Variants in NALCN observed in about 807,000 individuals in gnomAD.
The protein encoded by NALCN is sodium leak channel, non-selective.
Under a neutral mutation model 225.3 loss-of-function variants are expected in NALCN, and 111 were observed. That is an observed-to-expected ratio of 0.49 (90% CI 0.42 to 0.58). NALCN has a LOEUF of 0.58. NALCN is among the 20% of genes least tolerant of loss of function. The pLI is 0.00. For missense variants in NALCN, 1,378 were observed against 2,202.4 expected (o/e 0.63, Z 7.49); for synonymous variants, 764 against 769.0 (o/e 0.99, Z 0.11).
intron 6 of NALCN, among the ~76,000 whole-genome samples, chr13:101,367,388 T>A (rs1447193699): frequency 6.6e-6 from 1 of 151,350 alleles, no homozygotes; most frequent in Non-Finnish European, 1.5e-5. Flanking sequence ...TTCTCTCTTT[T>A]TTGACATCTG....
At chr13:101,281,532 A>G (rs180924076) in intron 10 of NALCN, among the ~76,000 whole-genome samples, 72 of 152,344 alleles carry the variant, frequency 4.7e-4, no homozygotes, top group Non-Finnish European at 9.4e-4. Context: ...TAGTTGTAGT[A>G]GTTTTATATT....
chr13:101,353,124 C>T (rs575998057), intron 6 of NALCN, among the ~76,000 whole-genome samples: 3 of 152,206 alleles, frequency 2.0e-5, no homozygotes, highest in South Asian at 2.1e-4. Context: ...TCTAAATAAA[C>T]CCATGGAGAA....
chr13:101,272,073 A>G (rs755071154), intron 10 of NALCN, among the ~76,000 whole-genome samples: 8 of 149,882 alleles, frequency 5.3e-5, no homozygotes, highest in Non-Finnish European at 1.0e-4. Flanking sequence ...ATAAGTGTGT[A>G]GGCATGTGTA....
intron 13 of NALCN, among the ~76,000 whole-genome samples, chr13:101,212,528 A>G (rs1218883255): frequency 1.3e-5 from 2 of 152,172 alleles, no homozygotes; most frequent in African/African-American, 2.4e-5. Context: ...TCATGTCGGT[A>G]TGCTTCCTAG....
intron 13 of NALCN, among the ~76,000 whole-genome samples, chr13:101,200,309 C>T (rs1292815468): frequency 1.3e-5 from 2 of 152,168 alleles, no homozygotes; most frequent in Non-Finnish European, 2.9e-5. Context: ...ATCTTTGGTT[C>T]ATCTCATTTC....
intron 27 of NALCN, 101 bp from the exon 28 acceptor site, chr13:101,095,781 AG>A: frequency 1.0e-6 from 1 of 985,176 alleles, no homozygotes; most frequent in Non-Finnish European, 1.5e-6. Flanking sequence ...GAATCCCAAA[AG>A]CCCTTTATCT....
At chr13:101,185,705 C>G (rs917393785) in intron 14 of NALCN, among the ~76,000 whole-genome samples, 3 of 152,150 alleles carry the variant, frequency 2.0e-5, no homozygotes, top group Non-Finnish European at 2.9e-5. Context: ...AAAATTGGTG[C>G]CCCCAGGGGT....
At chr13:101,086,587 C>T (rs2033943513) in intron 30 of NALCN, among the ~76,000 whole-genome samples, 1 of 151,980 alleles carries the variant, frequency 6.6e-6, no homozygotes, top group African/African-American at 2.4e-5. Context: ...AAATAATGCA[C>T]ATTCTCAAAT....
intron 14 of NALCN, chr13:101,181,081 T>C (rs1290145658): frequency 1.9e-6 from 1 of 518,914 alleles, no homozygotes; most frequent in African/African-American, 1.9e-5. Context: ...AGGGGGGCAC[T>C]TTCCGAACAC....
chr13:101,411,451 G>A (rs2047784289), intron 1 of NALCN, among the ~76,000 whole-genome samples: 1 of 149,668 alleles, frequency 6.7e-6, no homozygotes, highest in Non-Finnish European at 1.5e-5. Flanking sequence ...CAAATGATTC[G>A]CCTGCCTCAG....
At chr13:101,214,473 C>T (rs953456947) in intron 13 of NALCN, among the ~76,000 whole-genome samples, 1 of 151,240 alleles carries the variant, frequency 6.6e-6, no homozygotes, top group African/African-American at 2.5e-5. Flanking sequence ...ATCTGAGAGT[C>T]CATGGAGTAC....
At position 101,090,747 on chromosome 13, in the gene NALCN, G is replaced by A. The variant is rs115012197; in HGVS notation, c.3270-781C>T. ...TTTCTTATAGATTTGGGGGGTACAC[G>A]TGCAGGCTTGTTACATGGGTGTATT... On this transcript the variant is annotated intron_variant, in intron 28 of 43. Transcript: ENST00000251127. 2.6e-3 allele frequency among the ~76,000 whole-genome samples: 392 copies of A among 152,176 alleles called. 2 individuals carry two copies. Among genetic ancestry groups the A allele is most frequent in the African/African-American group, 9.0e-3 (373 of 41,512 alleles).
chr13:101,303,395 G>C (rs1451987589), intron 7 of NALCN, among the ~76,000 whole-genome samples: 1 of 152,140 alleles, frequency 6.6e-6, no homozygotes, highest in African/African-American at 2.4e-5. Flanking sequence ...TTAGCACAGA[G>C]AGAGGCTGAA....
intron 10 of NALCN, among the ~76,000 whole-genome samples, chr13:101,277,169 A>G (rs1393694089): frequency 6.6e-6 from 1 of 152,114 alleles, no homozygotes; most frequent in African/African-American, 2.4e-5. Context: ...GGTGAGGAAA[A>G]TTAAGCCACC....
chr13:101,339,919 T>G (rs564347778), intron 7 of NALCN, among the ~76,000 whole-genome samples: 1 of 151,966 alleles, frequency 6.6e-6, no homozygotes, highest in South Asian at 2.1e-4. Context: ...AGTCATTGAT[T>G]GGAATAAAAT....
At position 101,224,948 on chromosome 13, in the gene NALCN, C is replaced by A. The variant is rs779472867; in HGVS notation, c.1626+4445G>T. Among the ~76,000 whole-genome samples the A allele has an allele frequency of 4.6e-5, 7 of 152,130 alleles. 1 individual carries two copies. The highest frequency in any genetic ancestry group is 4.6e-4 in the Admixed American group (7 of 15,270). On this transcript the variant is annotated intron_variant, in intron 13 of 43. Coordinates refer to ENST00000251127, the MANE Select transcript of NALCN (RefSeq NM_052867.4). ...ACCCCTCTGACCATCAAAGTAGCCA[C>A]GTTGACTACCAAGTATCACCTGAAA...
intron 11 of NALCN, among the ~76,000 whole-genome samples, chr13:101,252,651 A>G (rs559546981): frequency 6.6e-6 from 1 of 152,280 alleles, no homozygotes; most frequent in African/African-American, 2.4e-5. Flanking sequence ...ACAGAGTCCT[A>G]GGACTTCTTT....
chr13:101,345,293 GC>G lies in NALCN; in HGVS notation c.771del (p.Glu257AspfsTer10). ...DLEDLGLSRQ[E>X]LGYSGFNEIG... ...ATCTCATTAAAGCCACTGTAGCCCA[GC>G]TCTTGCCTGCTAAGTCCCAGATCTT... On this transcript the variant is annotated frameshift_variant, in exon 7 of 44. Transcript: ENST00000251127. LOFTEE classifies it high-confidence loss of function. 1 of 1,613,662 alleles carries G rather than the reference GC, an allele frequency of 6.2e-7. No individual in the cohort carries two copies. Among genetic ancestry groups the G allele is most frequent in the East Asian group, 2.2e-5 (1 of 44,852 alleles).
chr13:101,129,766 GA>G (rs1326679324), intron 17 of NALCN, among the ~76,000 whole-genome samples: 3 of 148,680 alleles, frequency 2.0e-5, no homozygotes, highest in African/African-American at 7.4e-5. Context: ...TACATGAGCA[GA>G]ACGTGCAGGT....
Sources: allele counts gnomAD v4.1 joint callset (sites outside exome capture counted in the v4.1 genomes callset), GRCh38; gene constraint gnomAD v4.1.1; transcripts MANE v1.5; gene names NCBI Gene and HGNC (gene_info 2026-07-23, HGNC 2026-07-21).